The following GRIPAP1 variants were observed in gnomAD, a reference collection of about 807,000 sequenced individuals.
The protein encoded by GRIPAP1 is GRIP1 associated protein 1.
In GRIPAP1, 14 loss-of-function variants were observed where a neutral mutation model predicts 84.1. That is an observed-to-expected ratio of 0.17 (90% CI 0.11 to 0.26). GRIPAP1 has a LOEUF of 0.26. Ranked by LOEUF, GRIPAP1 falls within the 10% of genes least tolerant of loss-of-function variation. The pLI is 1.00. For missense variants in GRIPAP1, 518 were observed against 674.2 expected (o/e 0.77, Z 2.57); for synonymous variants, 261 against 256.8 (o/e 1.02, Z -0.15).
intron 8 of GRIPAP1, among the ~76,000 whole-genome samples, chrX:48,990,316 A>G (rs1286462349): frequency 8.9e-6 from 1 of 112,057 alleles, no homozygotes; most frequent in Non-Finnish European, 1.9e-5. Context: ...TGGCCATGTT[A>G]TAGATTGGCT....
rs782812913 is a variant in GRIPAP1 at position 48,985,370 on chromosome X, C to A, written c.1074G>T (p.Met358Ile). Residue 358 changes from methionine (M) to isoleucine (I), a missense_variant, in exon 14 of 26, where the codon ATG (methionine) becomes ATT (isoleucine). Physicochemically the swap from Met to Ile is conservative, Grantham distance 10. Coordinates refer to ENST00000376423, the MANE Select transcript of GRIPAP1 (RefSeq NM_020137.5). ...IQTAKTQELN[M>I]LREQTTGLAA... ...CCAGCCCAGTGGTCTGTTCCCGGAG[C>A]ATATTCAGTTCTTGGGTCTTTGCTG... 4 of 1,209,349 alleles carry A rather than the reference C, an allele frequency of 3.3e-6. No homozygotes were observed. Among genetic ancestry groups the A allele is most frequent in the Admixed American group, 4.4e-5 (2 of 45,944 alleles).
In GRIPAP1 at chrX:48,993,589, G is replaced by A; in HGVS notation, c.307-11C>T. 8.9e-7 allele frequency: 1 copy of A among 1,117,388 alleles called. No individual in the cohort carries two copies. The highest frequency in any genetic ancestry group is 1.2e-6 in the Non-Finnish European group (1 of 844,649). 92.1% of individuals were successfully genotyped at this position (1,117,388 alleles called of 1,213,427 possible). A position where few individuals can be genotyped will look rare whatever the true frequency, so the allele number is the denominator to read the frequency against. On this transcript the variant is annotated splice_polypyrimidine_tract_variant and intron_variant, in intron 5 of 25. Coordinates refer to ENST00000376423, the MANE Select transcript of GRIPAP1 (RefSeq NM_020137.5). ...CATCTGGCTGCAGAGCTGAACAGAG[G>A]AAGAGAAGGGGCAGAGAAGCAGAGA...
In GRIPAP1 at chrX:48,988,216, G is replaced by A. The variant is rs782735813; in HGVS notation, c.871-18C>T. On this transcript the variant is annotated intron_variant, in intron 11 of 25. Transcript: ENST00000376423. ...GCCAAGCTCTGTGGAGACCAGGGGAGCCCATTTTACACCTCAGCCTCTCCT... is the reference window on the plus strand; with the variant it reads ...GCCAAGCTCTGTGGAGACCAGGGGAACCCATTTTACACCTCAGCCTCTCCT... 1 of 1,141,190 alleles carries A rather than the reference G, an allele frequency of 8.8e-7. No homozygotes were observed. The highest frequency in any genetic ancestry group is 1.2e-6 in the Non-Finnish European group (1 of 846,940). The allele number at this position is 1,141,190 out of a possible 1,213,427, so 94.0% of individuals were successfully genotyped here. A position where few individuals can be genotyped will look rare whatever the true frequency, so the allele number is the denominator to read the frequency against.
Position 48,988,127 on chromosome X carries a change from T to C in GRIPAP1, c.942A>G (p.Gln314=), listed in dbSNP as rs1481129739. 7.5e-6 allele frequency: 9 copies of C among 1,193,064 alleles called. No individual in the cohort carries two copies. Among genetic ancestry groups the C allele is most frequent in the Non-Finnish European group, 1.0e-5 (9 of 885,153 alleles). The change falls in exon 12 of 26, where the codon CAA becomes CAG. Residue 314 remains glutamine, a synonymous_variant. Coordinates refer to ENST00000376423, the MANE Select transcript of GRIPAP1 (RefSeq NM_020137.5). ...CCCACGCAGTACAATATACCTGATC[T>C]TGTAGGGCCCGCAAAGCTGCTGCAT... ...LEHAAALRAL[Q]DQVSIQSADA... is the part of the protein sequence containing the mutation.
At chrX:48,984,819 G>A (rs1437517642) in intron 14 of GRIPAP1, among the ~76,000 whole-genome samples, 8 of 104,115 alleles carry the variant, frequency 7.7e-5, no homozygotes, top group East Asian at 6.2e-4. Context: ...TCAGGAGATC[G>A]AAACCATCCT....
intron 5 of GRIPAP1, among the ~76,000 whole-genome samples, chrX:48,994,110 G>T (rs1047622205): frequency 4.2e-4 from 47 of 111,365 alleles, no homozygotes; most frequent in Non-Finnish European, 7.7e-4. Flanking sequence ...ACTCCTGGCT[G>T]AAGTACACTT....
chrX:48,982,334 T>G (rs1216015047), intron 17 of GRIPAP1, among the ~76,000 whole-genome samples: 2 of 112,287 alleles, frequency 1.8e-5, no homozygotes, highest in Non-Finnish European at 3.8e-5. Flanking sequence ...CACTGCTACA[T>G]GACAATGCCT....
chrX:48,997,215 C>T, intron 5 of GRIPAP1, 35 bp downstream of exon 5: 3 of 792,156 alleles, frequency 3.8e-6, no homozygotes, highest in Non-Finnish European at 5.6e-6. Flanking sequence ...ACCCCTACCC[C>T]TCATTTCCCC....
intron 13 of GRIPAP1, among the ~76,000 whole-genome samples, chrX:48,987,312 C>T (rs1383071655): frequency 2.8e-5 from 3 of 106,707 alleles, no homozygotes; most frequent in African/African-American, 1.0e-4. Flanking sequence ...CCACACCCAG[C>T]TAATTTTTTG....
chrX:48,975,901 C>T (rs1557060301), intron 24 of GRIPAP1, 117 bp downstream of exon 24: 1 of 571,232 alleles, frequency 1.8e-6, no homozygotes, highest in Non-Finnish European at 2.9e-6. Flanking sequence ...AGGCCATGGT[C>T]TTGTCAGTAG....
In GRIPAP1 at chrX:48,978,391, T is replaced by C. The variant is rs1428655918; in HGVS notation, c.1975A>G (p.Thr659Ala). Residue 659 changes from threonine (T) to alanine (A), a missense_variant, in exon 22 of 26, where the codon ACC becomes GCC. By Grantham distance (58) the Thr-to-Ala change is moderately conservative. This residue lies in a region of GRIPAP1 where 66 missense variants were observed against 65.2 expected (regional missense o/e 1.01). Coordinates refer to ENST00000376423, the MANE Select transcript of GRIPAP1 (RefSeq NM_020137.5). ...VLSEMNSPSRTQTGDSSSISS... is the reference protein window; with the variant it reads ...VLSEMNSPSRAQTGDSSSISS... ...ATGCTACTGCTGTCCCCTGTCTGGG[T>C]CCGGCTTGGTGAGTTCATCTCTGAG... is the stretch of plus-strand genomic sequence containing the variant. The C allele has an allele frequency of 3.3e-6, 4 of 1,206,652 alleles. No homozygotes were observed. The highest frequency in any genetic ancestry group is 2.2e-6 in the Non-Finnish European group (2 of 893,313).
At chrX:48,985,220 C>T (rs1557063410) in intron 14 of GRIPAP1, 48 bp downstream of exon 14, 2 of 1,143,463 alleles carry the variant, frequency 1.7e-6, no homozygotes, top group Non-Finnish European at 2.4e-6. Context: ...CTTCACTGGG[C>T]CATTACTAGG....
At position 48,981,664 on chromosome X, in the gene GRIPAP1, G is replaced by A. The variant is rs782202699; in HGVS notation, c.1705C>T (p.Arg569Trp). ...TCCTGGGCCTGCTCGAGCTGATCCC[G>A]TACATCCTGTAGCTCCTCCTCCTTG... ...KGKEEELQDV[R>W]DQLEQAQEER... Residue 569 changes from arginine (R) to tryptophan (W), a missense_variant, in exon 19 of 26, where the codon CGG becomes TGG. Arg to Trp is a moderately radical substitution (Grantham distance 101). Around this residue, in one of 5 missense-constraint regions of GRIPAP1, gnomAD observed 372 missense variants for 458.1 expected, o/e 0.81. Transcript: ENST00000376423. The A allele has an allele frequency of 9.9e-6, 12 of 1,206,599 alleles. No individual in the cohort carries two copies. Among genetic ancestry groups the A allele is most frequent in the Middle Eastern group, 2.3e-4 (1 of 4,363 alleles).
In GRIPAP1 at chrX:48,990,962, C is replaced by T. The variant is rs1310133882; in HGVS notation, c.606G>A (p.Glu202=). ...GCAGCTGTTCCCAGAGCAATCTCTT[C>T]TCCTCTTTCTCCATTTCCCATTTCA... is the stretch of plus-strand genomic sequence containing the variant. ...VELKWEMEKE[E]KRLLWEQLQG... The change falls in exon 7 of 26, where the codon GAG becomes GAA. Residue 202 remains glutamate, a synonymous_variant. Coordinates refer to ENST00000376423, the MANE Select transcript of GRIPAP1 (RefSeq NM_020137.5). The T allele has an allele frequency of 1.7e-6, 2 of 1,173,005 alleles. No homozygotes were observed. The highest frequency in any genetic ancestry group is 1.8e-5 in the African/African-American group (1 of 56,399).
At chrX:48,983,741 C>G (rs1232416309) in intron 15 of GRIPAP1, 34 bp downstream of exon 15, 4 of 848,272 alleles carry the variant, frequency 4.7e-6, no homozygotes, top group Non-Finnish European at 7.1e-6. Context: ...TTCCTACCCC[C>G]CATCCTCTCC....
Position 48,981,775 on chromosome X carries a change from C to T in GRIPAP1, c.1677+20G>A, listed in dbSNP as rs1557062302. 2.6e-6 allele frequency: 3 copies of T among 1,175,078 alleles called. No homozygotes were observed. The highest frequency in any genetic ancestry group is 3.7e-5 in the South Asian group (2 of 54,587). On this transcript the variant is annotated intron_variant, in intron 18 of 25. Transcript: ENST00000376423. Reference sequence around the variant, plus strand: ...GCCCGTCACTGTCTGGAGAGAGGAACACCATCATGCGAGAGGCACCTTCAG... The same window carrying T: ...GCCCGTCACTGTCTGGAGAGAGGAATACCATCATGCGAGAGGCACCTTCAG...
intron 6 of GRIPAP1, 61 bp from the exon 7 acceptor site, chrX:48,991,171 C>T: frequency 1.2e-6 from 1 of 851,373 alleles, no homozygotes; most frequent in Non-Finnish European, 1.7e-6. Context: ...CTTGCCATGC[C>T]TCGAATAGAG....
intron 25 of GRIPAP1, 103 bp downstream of exon 25, chrX:48,975,052 C>T (rs1358750185): frequency 1.4e-6 from 1 of 719,078 alleles, no homozygotes; most frequent in African/African-American, 2.2e-5. Flanking sequence ...GGAGGACAGG[C>T]TGGGTGGGTG....
chrX:48,976,332 G>C lies in GRIPAP1; in HGVS notation c.2093C>G (p.Pro698Arg). 2 of 1,199,812 alleles carry C rather than the reference G, an allele frequency of 1.7e-6. No homozygotes were observed. ...SLSSSPQAQP[P>R]RPAELSDEEV... is the part of the protein sequence containing the mutation. ...CTCATCTGACAGCTCTGCTGGCCGA[G>C]GGGGCTGGGCTTGAGGGCTGCTGGA... The change falls in exon 23 of 26, where the codon CCT becomes CGT. Residue 698 changes from proline to arginine, a missense_variant. Coordinates refer to ENST00000376423, the MANE Select transcript of GRIPAP1 (RefSeq NM_020137.5).
Sources: allele counts gnomAD v4.1 joint callset (sites outside exome capture counted in the v4.1 genomes callset), GRCh38; gene constraint gnomAD v4.1.1; regional missense constraint gnomAD v4.1.1; transcripts MANE v1.5; gene names NCBI Gene and HGNC (gene_info 2026-07-23, HGNC 2026-07-21).